Variants in MAPK10 observed in about 807,000 individuals in gnomAD.
The protein encoded by MAPK10 is JNK3 alpha protein kinase.
A neutral mutation model predicts 59.3 loss-of-function variants in MAPK10; 25 were observed. The ratio of observed to expected loss-of-function variants is 0.42; its 90% CI spans 0.31 to 0.59. The LOEUF (loss-of-function observed/expected upper bound fraction) is 0.59, where lower values mean the gene tolerates loss of function less well. Among genes scored for constraint, MAPK10 ranks in the 20% least tolerant of loss-of-function variants. The pLI, the probability that MAPK10 is intolerant of heterozygous loss-of-function variation, is 0.15. For synonymous variants in MAPK10, 190 were observed against 200.5 expected (o/e 0.95, Z 0.44); for missense variants, 351 against 568.9 (o/e 0.62, Z 3.90).
At position 86,015,548 on chromosome 4, in the gene MAPK10, A is replaced by G. The variant is rs1455697558; in HGVS notation, c.*1680T>C. On this transcript the variant is annotated 3_prime_UTR_variant, in exon 14 of 14. Transcript: ENST00000641462. ...AAGAAGGGAAGCCTGATTATTGCTG[A>G]GATCACCTTGGTATTGCCTTGTACA... 6.6e-6 allele frequency: 1 copy of G among 152,238 alleles called. No homozygotes were observed. Among genetic ancestry groups the G allele is most frequent in the African/African-American group, 2.4e-5 (1 of 41,466 alleles). The allele number at this position is 152,238 out of a possible 1,614,324, so 9.4% of individuals were successfully genotyped here.
chr4:86,410,167 T>A (rs1744952246), intron 1 of MAPK10, among the ~76,000 whole-genome samples: 1 of 152,178 alleles, frequency 6.6e-6, no homozygotes, highest in South Asian at 2.1e-4. Flanking sequence ...ATCATGTGGT[T>A]TTTGTCATTG....
intron 1 of MAPK10, among the ~76,000 whole-genome samples, chr4:86,372,568 GAAAA>G (rs1478069649): frequency 0.011 from 321 of 28,980 alleles, no homozygotes; most frequent in Admixed American, 0.033. Flanking sequence ...AAGAAAGAAA[GAAAA>G]GAAAAGAAAA....
chr4:86,144,518 T>C (rs1238029310), intron 4 of MAPK10, among the ~76,000 whole-genome samples: 1 of 152,158 alleles, frequency 6.6e-6, no homozygotes, highest in East Asian at 1.9e-4. Context: ...AGAGCATACA[T>C]TTACATTCCA....
intron 2 of MAPK10, among the ~76,000 whole-genome samples, chr4:86,255,411 A>C (rs6531911): frequency 0.33 from 49,764 of 152,048 alleles, 11,052 homozygotes; most frequent in African/African-American, 0.63. Context: ...GCACCATGAC[A>C]TTTTAAGACA....
chr4:86,074,245 G>T (rs1051339290), intron 9 of MAPK10, among the ~76,000 whole-genome samples: 1 of 141,398 alleles, frequency 7.1e-6, no homozygotes, highest in Non-Finnish European at 1.5e-5. Flanking sequence ...CCATTGGCTT[G>T]GTAGATCTTC....
intron 1 of MAPK10, among the ~76,000 whole-genome samples, chr4:86,493,827 G>T (rs946844851): frequency 2.0e-5 from 3 of 152,116 alleles, no homozygotes; most frequent in East Asian, 3.8e-4. Flanking sequence ...ATGTGTTTGT[G>T]GTCCCTTCTA....
At chr4:86,210,597 A>G (rs1011864837) in intron 2 of MAPK10, among the ~76,000 whole-genome samples, 26 of 152,010 alleles carry the variant, frequency 1.7e-4, no homozygotes, top group Admixed American at 3.9e-4. Context: ...TTGCATGCCT[A>G]TATCAAATAT....
chr4:86,163,900 C>G (rs922887226), intron 3 of MAPK10, among the ~76,000 whole-genome samples: 1 of 152,144 alleles, frequency 6.6e-6, no homozygotes, highest in African/African-American at 2.4e-5. Flanking sequence ...CAATTGCTAG[C>G]CTATAGCCAT....
chr4:86,301,357 A>G (rs2095469959), intron 2 of MAPK10, among the ~76,000 whole-genome samples: 2 of 151,864 alleles, frequency 1.3e-5, no homozygotes, highest in South Asian at 4.2e-4. Flanking sequence ...CCAAGCCAAG[A>G]GTTAGAAATG....
At chr4:86,079,665 C>G (rs1008527992) in intron 9 of MAPK10, 1 of 152,028 alleles carries the variant, frequency 6.6e-6, no homozygotes, top group Non-Finnish European at 1.5e-5. Flanking sequence ...TAATTATAAA[C>G]AAAGAAGCTG....
chr4:86,075,968 C>G (rs973278631), intron 9 of MAPK10, among the ~76,000 whole-genome samples: 91 of 152,004 alleles, frequency 6.0e-4, no homozygotes, highest in Admixed American at 1.9e-3. Context: ...CAAGCCTGGG[C>G]AATGGCGGGC....
At chr4:86,027,790 G>A (rs928760557) in intron 13 of MAPK10, 2 of 152,150 alleles carry the variant, frequency 1.3e-5, no homozygotes, top group African/African-American at 2.4e-5. Flanking sequence ...CAATCAATAC[G>A]GGATAATAAG....
Position 86,359,938 on chromosome 4 carries a change from A to T in MAPK10, c.-402T>A. The T allele has an allele frequency of 1.0e-6, 1 of 985,810 alleles. No homozygotes were observed. Among genetic ancestry groups the T allele is most frequent in the Non-Finnish European group, 1.2e-6 (1 of 829,946 alleles). 61.1% of individuals were successfully genotyped at this position (985,810 alleles called of 1,614,324 possible). A position where few individuals can be genotyped will look rare whatever the true frequency, so the allele number is the denominator to read the frequency against. ...CATATAGCAAGCACCACCCACCCCC[A>T]TAAAAATAAAAAGTGAAGGGGAGGT... On this transcript the variant is annotated 5_prime_UTR_variant, in exon 1 of 14. The change abolishes an upstream ATG in the 5' untranslated region. Transcript: ENST00000641462.
At chr4:86,536,675 C>T (rs1435236905) in intron 1 of MAPK10, among the ~76,000 whole-genome samples, 1 of 152,038 alleles carries the variant, frequency 6.6e-6, no homozygotes, top group African/African-American at 2.4e-5. Flanking sequence ...ATTTTTTCAA[C>T]ATTGTGCATT....
upstream of MAPK10, among the ~76,000 whole-genome samples, chr4:86,455,633 C>T (rs189892987): frequency 1.8e-4 from 28 of 152,276 alleles, no homozygotes; most frequent in Non-Finnish European, 2.9e-4. Flanking sequence ...ATGCACCTAA[C>T]ACTAGAGCTC....
chr4:86,241,362 G>C (rs568953579), intron 2 of MAPK10, among the ~76,000 whole-genome samples: 4 of 151,938 alleles, frequency 2.6e-5, no homozygotes, highest in Non-Finnish European at 5.9e-5. Context: ...TGCTGAATTT[G>C]CATGTTGGTC....
At chr4:86,375,665 T>C (rs1351956378) in intron 1 of MAPK10, among the ~76,000 whole-genome samples, 1 of 121,242 alleles carries the variant, frequency 8.2e-6, no homozygotes, top group African/African-American at 3.3e-5. Flanking sequence ...CAGTGAGCCA[T>C]GAGCATTCCA....
intron 1 of MAPK10, among the ~76,000 whole-genome samples, chr4:86,581,234 A>G (rs1431595952): frequency 5.3e-5 from 8 of 152,130 alleles, no homozygotes; most frequent in African/African-American, 1.9e-4. Flanking sequence ...CTTATGGCAT[A>G]TGGACATACC....
intron 2 of MAPK10, among the ~76,000 whole-genome samples, chr4:86,237,361 G>C (rs1259578583): frequency 6.6e-6 from 1 of 152,008 alleles, no homozygotes; most frequent in Non-Finnish European, 1.5e-5. Flanking sequence ...ATTCCTTTGG[G>C]TATATACCCA....
Sources: allele counts gnomAD v4.1 joint callset (sites outside exome capture counted in the v4.1 genomes callset), GRCh38; gene constraint gnomAD v4.1.1; transcripts MANE v1.5; gene names NCBI Gene and HGNC (gene_info 2026-07-23, HGNC 2026-07-21).